Variants in TAF4 observed in about 807,000 individuals in gnomAD.
The protein encoded by TAF4 is transcription initiation factor TFIID subunit 4.
In TAF4, 9 loss-of-function variants were observed where a neutral mutation model predicts 90.3. That is an observed-to-expected ratio of 0.10 (90% CI 0.06 to 0.17). The LOEUF is 0.17. TAF4 is among the 10% of genes least tolerant of loss of function. The probability of loss-of-function intolerance (pLI) is 1.00; values close to 1 mark genes in which losing one functional copy is unlikely to be tolerated. For missense variants in TAF4, 1,351 were observed against 1,370.7 expected, an observed-to-expected ratio of 0.99 and a Z score of 0.23; for synonymous variants, 818 against 638.9, an observed-to-expected ratio of 1.28 and a Z score of -4.23.
chr20:61,991,150 G>A (rs553599295), intron 14 of TAF4, among the ~76,000 whole-genome samples: 1 of 152,200 alleles, frequency 6.6e-6, no homozygotes, highest in East Asian at 1.9e-4. Flanking sequence ...CAGGCACAAT[G>A]GCTCACACCT....
chr20:62,061,933 C>T (rs1164347810), intron 1 of TAF4, among the ~76,000 whole-genome samples: 7 of 152,250 alleles, frequency 4.6e-5, no homozygotes, highest in Admixed American at 4.6e-4. Context: ...CTGAAACACT[C>T]GGGCCTAAGG....
chr20:62,022,209 A>G (rs1199720642), intron 1 of TAF4, among the ~76,000 whole-genome samples: 1 of 152,124 alleles, frequency 6.6e-6, no homozygotes, highest in East Asian at 1.9e-4. Flanking sequence ...GTCCAGGAAA[A>G]CGCAGAGGAC....
At chr20:62,002,460 C>A (rs1600837143) in intron 9 of TAF4, among the ~76,000 whole-genome samples, 2 of 152,178 alleles carry the variant, frequency 1.3e-5, no homozygotes, top group East Asian at 1.9e-4. Flanking sequence ...GATGCTCAGA[C>A]CACCTGCTTT....
chr20:62,018,413 C>A (rs536528313), intron 1 of TAF4, among the ~76,000 whole-genome samples: 3 of 152,376 alleles, frequency 2.0e-5, no homozygotes, highest in Non-Finnish European at 1.5e-5. Flanking sequence ...CACGCCAAGG[C>A]AAAGAAGTGC....
chr20:62,064,692 C>A lies in TAF4; in HGVS notation c.1119G>T (p.Met373Ile). ...ASGPASTAASMVIGPTMQGAL... is the reference protein window; with the variant it reads ...ASGPASTAASIVIGPTMQGAL... ...CCCCTTGCATAGTTGGCCCGATGACCATGCTGGCCGCCGTGCTGGCCGGGC... is the reference window on the plus strand; with the variant it reads ...CCCCTTGCATAGTTGGCCCGATGACAATGCTGGCCGCCGTGCTGGCCGGGC... The change falls in exon 1 of 15, where the codon ATG becomes ATT. Residue 373 changes from methionine to isoleucine, a missense_variant. Transcript: ENST00000252996. 6.4e-6 allele frequency: 8 copies of A among 1,256,966 alleles called. No homozygotes were observed. Among genetic ancestry groups the A allele is most frequent in the Non-Finnish European group, 8.0e-6 (8 of 1,005,562 alleles). 77.9% of individuals were successfully genotyped at this position (1,256,966 alleles called of 1,614,324 possible). A position where few individuals can be genotyped will look rare whatever the true frequency, so the allele number is the denominator to read the frequency against.
At chr20:62,050,824 A>AC (rs2056022860) in intron 1 of TAF4, among the ~76,000 whole-genome samples, 1 of 150,410 alleles carries the variant, frequency 6.6e-6, no homozygotes, top group Non-Finnish European at 1.5e-5. Context: ...AGAGATCAGA[A>AC]CCCCCACACC....
At chr20:62,016,780 A>G (rs1018014105) in intron 1 of TAF4, among the ~76,000 whole-genome samples, 7 of 152,132 alleles carry the variant, frequency 4.6e-5, no homozygotes, top group African/African-American at 1.7e-4. Flanking sequence ...ACGCTAATAC[A>G]ATGTCCTCAA....
chr20:62,065,456 G>T lies in TAF4; in HGVS notation c.355C>A (p.Pro119Thr). The change falls in exon 1 of 15, where the codon CCC (proline) becomes ACC (threonine). Residue 119 changes from proline to threonine, a missense_variant. Physicochemically the swap from Pro to Thr is conservative, Grantham distance 38. This residue lies in a region of TAF4 where 782 missense variants were observed against 536.6 expected (regional missense o/e 1.46). Coordinates refer to ENST00000252996, the MANE Select transcript of TAF4 (RefSeq NM_003185.4). ...CTCAGCTTCGCGGCGGGCGGCGCGGGCCCTGCGGGGACAAGGGGGCGGCGC... is the reference window on the plus strand; with the variant it reads ...CTCAGCTTCGCGGCGGGCGGCGCGGTCCCTGCGGGGACAAGGGGGCGGCGC... ...SPRRPLVPAG[P>T]APPAAKLRPP... 8 of 976,714 alleles carry T rather than the reference G, an allele frequency of 8.2e-6. No individual in the cohort carries two copies. The highest frequency in any genetic ancestry group is 9.7e-6 in the Non-Finnish European group (8 of 825,394). The allele number at this position is 976,714 out of a possible 1,614,324, so 60.5% of individuals were successfully genotyped here.
intron 14 of TAF4, among the ~76,000 whole-genome samples, chr20:61,986,088 CCATCAAAGGA>C (rs1265760308): frequency 6.5e-5 from 8 of 122,586 alleles, no homozygotes; most frequent in East Asian, 2.3e-4. Context: ...ACACCATCCC[CCATCAAAGGA>C]AACACCATCC....
intron 1 of TAF4, among the ~76,000 whole-genome samples, chr20:62,057,174 C>T (rs761342170): frequency 5.9e-5 from 9 of 152,236 alleles, no homozygotes; most frequent in African/African-American, 1.9e-4. Context: ...ACCTTGCCAC[C>T]GGCAGCACCT....
intron 1 of TAF4, among the ~76,000 whole-genome samples, chr20:62,017,152 A>AC (rs1004887812): frequency 7.2e-5 from 11 of 151,934 alleles, no homozygotes; most frequent in Admixed American, 3.9e-4. Context: ...TAAAAACAAA[A>AC]AAAAAAAATG....
rs1368121711 is a variant in TAF4 at position 62,064,568 on chromosome 20, T to A, written c.1243A>T (p.Thr415Ser). The A allele has an allele frequency of 6.6e-7, 1 of 1,514,076 alleles. No homozygotes were observed. The highest frequency in any genetic ancestry group is 1.4e-5 in the African/African-American group (1 of 70,526). 93.8% of individuals were successfully genotyped at this position (1,514,076 alleles called of 1,614,324 possible). The change falls in exon 1 of 15, where the codon ACG becomes TCG. Residue 415 changes from threonine (T) to serine (S), a missense_variant. Coordinates refer to ENST00000252996, the MANE Select transcript of TAF4 (RefSeq NM_003185.4). ...AGAVTQSLSR[T>S]PTATTSGIRA... Reference sequence around the variant, plus strand: ...ATCCCGCTGGTGGTGGCCGTGGGCGTCCGGGACAGGCTCTGGGTCACTGCG... The same window carrying A: ...ATCCCGCTGGTGGTGGCCGTGGGCGACCGGGACAGGCTCTGGGTCACTGCG...
chr20:62,059,222 G>A (rs1440853222), intron 1 of TAF4, among the ~76,000 whole-genome samples: 1 of 152,170 alleles, frequency 6.6e-6, no homozygotes, highest in African/African-American at 2.4e-5. Flanking sequence ...GAAGAGCCTG[G>A]GACCACCGCG....
chr20:62,038,172 A>T (rs536223442), intron 1 of TAF4, among the ~76,000 whole-genome samples: 2 of 151,928 alleles, frequency 1.3e-5, no homozygotes, highest in East Asian at 1.9e-4. Context: ...GGACTACAGG[A>T]GCCCACCACT....
At chr20:61,992,965 CTAAAACG>C (rs780960106) in intron 14 of TAF4, among the ~76,000 whole-genome samples, 61 of 152,266 alleles carry the variant, frequency 4.0e-4, no homozygotes, top group Middle Eastern at 3.4e-3. Flanking sequence ...AAACAACACA[CTAAAACG>C]TAAAACTACT....
intron 1 of TAF4, among the ~76,000 whole-genome samples, chr20:62,032,064 A>G (rs1254683730): frequency 2.0e-5 from 3 of 152,258 alleles, no homozygotes; most frequent in African/African-American, 4.8e-5. Context: ...TCCTGAAGCC[A>G]GCAGTATCTC....
intron 1 of TAF4, among the ~76,000 whole-genome samples, chr20:62,033,813 C>T (rs957192590): frequency 1.1e-4 from 16 of 151,542 alleles, no homozygotes; most frequent in Non-Finnish European, 1.8e-4. Flanking sequence ...AAGGCTAAGG[C>T]GGGTGGATCA....
intron 1 of TAF4, among the ~76,000 whole-genome samples, chr20:62,020,412 C>G (rs1434752379): frequency 6.6e-6 from 1 of 152,264 alleles, no homozygotes; most frequent in Non-Finnish European, 1.5e-5. Flanking sequence ...CACGGGGACA[C>G]AAGGTCCCAA....
intron 14 of TAF4, among the ~76,000 whole-genome samples, chr20:61,983,447 G>A (rs1334236846): frequency 6.6e-6 from 1 of 152,180 alleles, no homozygotes; most frequent in African/African-American, 2.4e-5. Context: ...GATTCCCTGA[G>A]GCTGGGAGTT....
Sources: allele counts gnomAD v4.1 joint callset (sites outside exome capture counted in the v4.1 genomes callset), GRCh38; gene constraint gnomAD v4.1.1; regional missense constraint gnomAD v4.1.1; transcripts MANE v1.5; gene names NCBI Gene and HGNC (gene_info 2026-07-23, HGNC 2026-07-21).